FCHO2: variants seen among roughly 807,000 people sequenced by gnomAD.
FCHO2 encodes the protein F-BAR domain only protein 2.
In FCHO2, 43 loss-of-function variants were observed where a neutral mutation model predicts 114.1. That is an observed-to-expected ratio of 0.38 (90% CI 0.30 to 0.49). The LOEUF (loss-of-function observed/expected upper bound fraction) is 0.49, where lower values mean the gene tolerates loss of function less well. FCHO2 is among the 20% of genes least tolerant of loss of function. The pLI is 0.97. For synonymous variants in FCHO2, 293 were observed against 315.2 expected, an observed-to-expected ratio of 0.93 and a Z score of 0.75; for missense variants, 807 against 950.4, an observed-to-expected ratio of 0.85 and a Z score of 1.98.
chr5:73,030,161 C>A (rs951576578), intron 8 of FCHO2, among the ~76,000 whole-genome samples: 3 of 151,748 alleles, frequency 2.0e-5, no homozygotes, highest in Non-Finnish European at 4.4e-5. Flanking sequence ...CCTGCCTCAG[C>A]CTCCCAAGTA....
chr5:73,048,171 C>G (rs775982403), intron 11 of FCHO2, among the ~76,000 whole-genome samples: 2 of 151,752 alleles, frequency 1.3e-5, no homozygotes, highest in African/African-American at 4.8e-5. Context: ...ATATTTTTGC[C>G]GGGCACAGTG....
chr5:73,054,270 G>A lies in FCHO2; in HGVS notation c.1185+99G>A, dbSNP rs537462388. ...ATATTTGTATTAAATTTTTAGATTA[G>A]CAAGTTTTAGTGTTTTGTTGTAGAT... On this transcript the variant is annotated intron_variant, in intron 14 of 25. Coordinates refer to ENST00000430046, the MANE Select transcript of FCHO2 (RefSeq NM_138782.3). 15 of 1,101,768 alleles carry A rather than the reference G, an allele frequency of 1.4e-5. No homozygotes were observed. In the East Asian group the frequency reaches 2.4e-4, roughly 17 times the overall value. 68.2% of individuals were successfully genotyped at this position (1,101,768 alleles called of 1,614,324 possible). A position where few individuals can be genotyped will look rare whatever the true frequency, so the allele number is the denominator to read the frequency against.
chr5:73,012,712 G>T, intron 6 of FCHO2, among the ~76,000 whole-genome samples: 1 of 152,078 alleles, frequency 6.6e-6, no homozygotes, highest in East Asian at 1.9e-4. Flanking sequence ...ATTTGTTCAG[G>T]AAAGTTCATT....
chr5:73,007,849 A>G (rs1405170780), intron 6 of FCHO2, among the ~76,000 whole-genome samples: 1 of 152,220 alleles, frequency 6.6e-6, no homozygotes, highest in Non-Finnish European at 1.5e-5. Flanking sequence ...AGATAGAATA[A>G]TAGCAGTGAC....
chr5:72,969,246 A>G (rs886805289), intron 2 of FCHO2, among the ~76,000 whole-genome samples: 4 of 152,066 alleles, frequency 2.6e-5, no homozygotes, highest in African/African-American at 9.7e-5. Flanking sequence ...TAAATTTAAT[A>G]CTCCATTTAT....
chr5:73,031,957 A>T (rs1756259793), intron 8 of FCHO2, among the ~76,000 whole-genome samples: 2 of 152,202 alleles, frequency 1.3e-5, no homozygotes, highest in South Asian at 4.1e-4. Flanking sequence ...TAAGACTCTC[A>T]CTCTGGCTTT....
chr5:73,052,375 C>T lies in FCHO2; in HGVS notation c.1041C>T (p.Ser347=), dbSNP rs765635262. The T allele has an allele frequency of 1.6e-5, 25 of 1,608,496 alleles. No individual in the cohort carries two copies. Among genetic ancestry groups the T allele is most frequent in the African/African-American group, 1.1e-4 (8 of 74,792 alleles). ...NHFYSSSDSD[S]EDEEPKKYRI... ...TCTACTCATCTAGTGATTCTGACTCCGAAGATGAAGAACCAAAGAAGTATC... is the reference window on the plus strand; with the variant it reads ...TCTACTCATCTAGTGATTCTGACTCTGAAGATGAAGAACCAAAGAAGTATC... The change falls in exon 13 of 26, where the codon TCC becomes TCT. Residue 347 remains serine (S), a synonymous_variant. Transcript: ENST00000430046.
chr5:73,000,001 A>G (rs1754343738), intron 5 of FCHO2, among the ~76,000 whole-genome samples: 1 of 152,174 alleles, frequency 6.6e-6, no homozygotes, highest in African/African-American at 2.4e-5. Context: ...TAGTGAATTA[A>G]TTAACTAGTG....
intron 11 of FCHO2, among the ~76,000 whole-genome samples, chr5:73,043,190 C>T (rs1229809183): frequency 6.6e-6 from 1 of 152,056 alleles, no homozygotes; most frequent in Non-Finnish European, 1.5e-5. Flanking sequence ...CTTCAGTCTC[C>T]CAGAGTGCTG....
chr5:73,052,820 A>G (rs915801036), intron 13 of FCHO2: 4 of 196,638 alleles, frequency 2.0e-5, no homozygotes, highest in Non-Finnish European at 4.1e-5. Context: ...TGTTTCTTCT[A>G]TGTTTTGTGA....
At chr5:73,021,066 C>T in intron 8 of FCHO2, 1 of 908,340 alleles carries the variant, frequency 1.1e-6, no homozygotes, top group Non-Finnish European at 1.9e-6. Flanking sequence ...GGTCCTCTCC[C>T]TCTGGAAAGA....
chr5:72,996,863 A>T, intron 5 of FCHO2: 2 of 1,335,202 alleles, frequency 1.5e-6, no homozygotes, highest in East Asian at 2.5e-5. Flanking sequence ...GAGCTGTGCC[A>T]CGGGGGCCCC....
chr5:73,046,799 T>A (rs1310767205), intron 11 of FCHO2, among the ~76,000 whole-genome samples: 2 of 152,178 alleles, frequency 1.3e-5, no homozygotes, highest in African/African-American at 4.8e-5. Context: ...CACCCTACAT[T>A]AGGTTTTTTA....
chr5:72,999,130 G>A (rs1014812166), intron 5 of FCHO2, among the ~76,000 whole-genome samples: 1 of 152,030 alleles, frequency 6.6e-6, no homozygotes, highest in Non-Finnish European at 1.5e-5. Context: ...AGAGGAAGGG[G>A]TGCTTTTTTC....
intron 8 of FCHO2, among the ~76,000 whole-genome samples, chr5:73,027,362 G>T (rs1056683719): frequency 1.3e-5 from 2 of 149,332 alleles, no homozygotes; most frequent in Non-Finnish European, 3.0e-5. Context: ...TCCCAGTCTG[G>T]CTTGTTCTTT....
At chr5:73,070,571 T>G (rs112790419) in intron 19 of FCHO2, among the ~76,000 whole-genome samples, 8 of 151,830 alleles carry the variant, frequency 5.3e-5, no homozygotes, top group Non-Finnish European at 1.2e-4. Context: ...TTAGGTTTTT[T>G]TTTTTTTTTT....
chr5:72,972,009 G>T (rs2112613733), intron 2 of FCHO2, among the ~76,000 whole-genome samples: 1 of 151,686 alleles, frequency 6.6e-6, no homozygotes, highest in East Asian at 1.9e-4. Context: ...TCAGATAGTT[G>T]TAGATATGTG....
At chr5:73,024,218 C>A (rs2112767427) in intron 8 of FCHO2, among the ~76,000 whole-genome samples, 1 of 152,202 alleles carries the variant, frequency 6.6e-6, no homozygotes, top group South Asian at 2.1e-4. Context: ...TGCCAGTACA[C>A]CCCACTGATT....
intron 2 of FCHO2, among the ~76,000 whole-genome samples, chr5:72,982,532 T>C (rs1753266400): frequency 6.6e-6 from 1 of 152,214 alleles, no homozygotes; most frequent in Non-Finnish European, 1.5e-5. Context: ...AAGTCCAACA[T>C]ATCCATTATT....
Sources: gnomAD v4.1 joint callset for allele counts (sites outside exome capture counted in the v4.1 genomes callset) on GRCh38, gnomAD v4.1.1 for gene constraint, MANE v1.5 for transcripts, NCBI Gene and HGNC (gene_info 2026-07-23, HGNC 2026-07-21) for gene names.